Variants in PLCB4 observed in about 807,000 individuals in gnomAD.
The protein encoded by PLCB4 is 1-phosphatidylinositol 4,5-bisphosphate phosphodiesterase beta-4.
In PLCB4, 77 loss-of-function variants were observed where a neutral mutation model predicts 178.8. That is an observed-to-expected ratio of 0.43 (90% CI 0.36 to 0.52). PLCB4 has a LOEUF of 0.52. PLCB4 is among the 20% of genes least tolerant of loss of function. The probability of loss-of-function intolerance (pLI) is 0.00; values close to 1 mark genes in which losing one functional copy is unlikely to be tolerated. For missense variants in PLCB4, 1,024 were observed against 1,453.4 expected (o/e 0.70, Z 4.80); for synonymous variants, 496 against 490.8 (o/e 1.01, Z -0.14).
intron 1 of PLCB4, among the ~76,000 whole-genome samples, chr20:9,089,986 TA>T (rs2090604138): frequency 6.6e-6 from 1 of 152,214 alleles, no homozygotes; most frequent in Non-Finnish European, 1.5e-5. Context: ...AAAGGAGTCC[TA>T]ATTTACTAGA....
At chr20:9,155,877 C>CT (rs1340540268) in intron 2 of PLCB4, among the ~76,000 whole-genome samples, 4 of 151,980 alleles carry the variant, frequency 2.6e-5, no homozygotes, top group African/African-American at 4.8e-5. Context: ...CTCTTTCTCA[C>CT]TTTTTTTTGT....
At chr20:9,464,441 G>T (rs1163745412) in intron 35 of PLCB4, among the ~76,000 whole-genome samples, 2 of 152,252 alleles carry the variant, frequency 1.3e-5, no homozygotes, top group South Asian at 4.2e-4. Context: ...GAGCAGAACT[G>T]AAAGAGATAG....
At chr20:9,149,156 C>T (rs1323564698) in intron 2 of PLCB4, among the ~76,000 whole-genome samples, 1 of 152,146 alleles carries the variant, frequency 6.6e-6, no homozygotes, top group Non-Finnish European at 1.5e-5. Flanking sequence ...TTTGGTATCT[C>T]TAGGAACACA....
chr20:9,284,672 A>G (rs1438366204), intron 3 of PLCB4, among the ~76,000 whole-genome samples: 1 of 151,960 alleles, frequency 6.6e-6, no homozygotes, highest in Non-Finnish European at 1.5e-5. Context: ...TGTGTTTGCT[A>G]ATCATCAGTA....
rs778106111 is a variant in PLCB4, at chr20:9,338,955, G to A, written c.287G>A (p.Arg96Gln). ...VGKSENDLEGRIVCVCSGTDL... is the reference protein window; with the variant it reads ...VGKSENDLEGQIVCVCSGTDL... ...AAATCAGAAAATGATCTGGAAGGGC[G>A]GATAGTTTGTGTCTGCAGTGGCACA... Residue 96 changes from arginine (R) to glutamine (Q), a missense_variant, in exon 7 of 40, where the codon CGG becomes CAG. This residue lies in a region of PLCB4 where 225 missense variants were observed against 291.0 expected (regional missense o/e 0.77). Coordinates refer to ENST00000378473, the MANE Select transcript of PLCB4 (RefSeq NM_001377142.1). 21 of 1,613,158 alleles carry A rather than the reference G, an allele frequency of 1.3e-5. No homozygotes were observed. The highest frequency in any genetic ancestry group is 4.0e-5 in the African/African-American group (3 of 74,822).
At chr20:9,168,929 G>A (rs1466464033) in intron 2 of PLCB4, among the ~76,000 whole-genome samples, 1 of 98,968 alleles carries the variant, frequency 1.0e-5, no homozygotes, top group East Asian at 2.9e-4. Context: ...AGCCCAAGCA[G>A]CCACCAATTA....
At chr20:9,125,565 CTCTT>C (rs774344987) in intron 2 of PLCB4, among the ~76,000 whole-genome samples, 17 of 152,012 alleles carry the variant, frequency 1.1e-4, no homozygotes, top group Non-Finnish European at 2.4e-4. Flanking sequence ...ATATAAGAAT[CTCTT>C]TATATATGTA....
rs187759850 is a variant in PLCB4, at chr20:9,341,762, G to A, written c.369+2725G>A. 3.6e-3 allele frequency among the ~76,000 whole-genome samples: 545 copies of A among 151,980 alleles called. 1 individual carries two copies. Among genetic ancestry groups the A allele is most frequent in the African/African-American group, 0.012 (506 of 41,454 alleles). Reference sequence around the variant, plus strand: ...TATGTTTGAGGGTTGGGGGTGGGGGGATGTATACTTCAAGGGAAGATTTGA... The same window carrying A: ...TATGTTTGAGGGTTGGGGGTGGGGGAATGTATACTTCAAGGGAAGATTTGA... On this transcript the variant is annotated intron_variant, in intron 7 of 39. Coordinates refer to ENST00000378473, the MANE Select transcript of PLCB4 (RefSeq NM_001377142.1).
intron 26 of PLCB4, among the ~76,000 whole-genome samples, chr20:9,420,246 C>G (rs1398875698): frequency 3.3e-5 from 5 of 152,194 alleles, no homozygotes; most frequent in Admixed American, 3.3e-4. Flanking sequence ...AAAGAAACTT[C>G]AGGTGATGAT....
intron 2 of PLCB4, among the ~76,000 whole-genome samples, chr20:9,174,285 C>T (rs560473014): frequency 4.6e-5 from 7 of 151,890 alleles, no homozygotes; most frequent in South Asian, 2.1e-4. Context: ...ACAAAGGGCA[C>T]GTAACCATGC....
intron 2 of PLCB4, among the ~76,000 whole-genome samples, chr20:9,174,828 TA>T (rs2093127299): frequency 6.6e-6 from 1 of 152,146 alleles, no homozygotes; most frequent in African/African-American, 2.4e-5. Context: ...GTGGCAAAAT[TA>T]ATGTCAGAAA....
At chr20:9,084,515 T>TG (rs997061116) in intron 1 of PLCB4, among the ~76,000 whole-genome samples, 35 of 114,732 alleles carry the variant, frequency 3.1e-4, no homozygotes, top group Non-Finnish European at 6.2e-4. Flanking sequence ...TAATTTTTTT[T>TG]TTTGTGTGGG....
chr20:9,355,371 A>G (rs1303976764), intron 7 of PLCB4, among the ~76,000 whole-genome samples: 13 of 152,108 alleles, frequency 8.5e-5, no homozygotes, highest in Admixed American at 2.6e-4. Flanking sequence ...GTATACATGT[A>G]CCATGCTGGT....
intron 3 of PLCB4, among the ~76,000 whole-genome samples, chr20:9,289,173 T>G (rs1469962673): frequency 6.6e-6 from 1 of 152,148 alleles, no homozygotes; most frequent in Non-Finnish European, 1.5e-5. Flanking sequence ...TACAATGGCT[T>G]AATCACACTT....
chr20:9,408,573 G>A (rs1189487068), intron 22 of PLCB4, 60 bp from the exon 23 acceptor site: 1 of 805,974 alleles, frequency 1.2e-6, no homozygotes, highest in African/African-American at 1.8e-5. Context: ...ATTTATTGCT[G>A]TTTTTCGGTG....
At chr20:9,175,183 G>A (rs1198982387) in intron 2 of PLCB4, among the ~76,000 whole-genome samples, 1 of 152,140 alleles carries the variant, frequency 6.6e-6, no homozygotes, top group Non-Finnish European at 1.5e-5. Flanking sequence ...CTCTGGGGAT[G>A]GGGCCCAGAA....
intron 15 of PLCB4, among the ~76,000 whole-genome samples, chr20:9,388,718 A>C (rs946566187): frequency 6.6e-6 from 1 of 151,914 alleles, no homozygotes; most frequent in African/African-American, 2.4e-5. Flanking sequence ...TCTCAAAAAA[A>C]ACACACATAC....
At position 9,387,541 on chromosome 20, in the gene PLCB4, A is replaced by G. The variant is rs778198122; in HGVS notation, c.1143A>G (p.Thr381=). The G allele has an allele frequency of 9.7e-6, 15 of 1,543,118 alleles. No individual in the cohort carries two copies. The South Asian group carries it at 1.6e-4, about 17-fold the overall frequency. The change falls in exon 15 of 40, where the codon ACA becomes ACG. Residue 381 remains threonine, a synonymous_variant. Transcript: ENST00000378473. ...TAACTCATGGAAAAGCAATGTGTACAGATATCCTTTTTAAGGTAACTTTAA... is the reference window on the plus strand; with the variant it reads ...TAACTCATGGAAAAGCAATGTGTACGGATATCCTTTTTAAGGTAACTTTAA... ...PIITHGKAMC[T]DILFKDVIQA... is the part of the protein sequence containing the mutation.
chr20:9,101,235 TC>T (rs2091137487), intron 2 of PLCB4, among the ~76,000 whole-genome samples: 1 of 152,126 alleles, frequency 6.6e-6, no homozygotes, highest in Admixed American at 6.5e-5. Context: ...ATGTGAACAG[TC>T]CTGTAGGGCA....
Sources: allele counts gnomAD v4.1 joint callset (sites outside exome capture counted in the v4.1 genomes callset), GRCh38; gene constraint gnomAD v4.1.1; regional missense constraint gnomAD v4.1.1; transcripts MANE v1.5; gene names NCBI Gene and HGNC (gene_info 2026-07-23, HGNC 2026-07-21).